Variants in MAD1L1 observed in about 807,000 individuals in gnomAD.
The protein encoded by MAD1L1 is mitotic arrest deficient 1 like 1.
In MAD1L1, 95 loss-of-function variants were observed where a neutral mutation model predicts 96.9. The ratio of observed to expected loss-of-function variants is 0.98; its 90% confidence interval spans 0.83 to 1.16. The LOEUF (loss-of-function observed/expected upper bound fraction) is 1.16, where lower values mean the gene tolerates loss of function less well. Ranked by LOEUF, MAD1L1 falls within the 50% of genes most tolerant of loss-of-function variation. The pLI, the probability that MAD1L1 is intolerant of heterozygous loss-of-function variation, is 0.00. For missense variants in MAD1L1, 1,007 were observed against 954.4 expected (o/e 1.06, Z -0.73); for synonymous variants, 473 against 396.6 (o/e 1.19, Z -2.29).
At chr7:2,096,632 C>T (rs375596416) in intron 11 of MAD1L1, among the ~76,000 whole-genome samples, 9 of 152,174 alleles carry the variant, frequency 5.9e-5, no homozygotes, top group Admixed American at 3.9e-4. Context: ...TACAGCGAGA[C>T]CCTACAGCTC....
At chr7:1,902,489 C>T (rs1583712868) in intron 17 of MAD1L1, among the ~76,000 whole-genome samples, 1 of 152,206 alleles carries the variant, frequency 6.6e-6, no homozygotes, top group Non-Finnish European at 1.5e-5. Context: ...TTCTCTACAT[C>T]CTCTTTACTC....
At chr7:2,128,410 G>A (rs1233672241) in intron 11 of MAD1L1, among the ~76,000 whole-genome samples, 1 of 152,100 alleles carries the variant, frequency 6.6e-6, no homozygotes, top group Non-Finnish European at 1.5e-5. Flanking sequence ...AGGCAGTTCA[G>A]AGTTCATGAA....
Position 2,036,410 on chromosome 7 carries a change from C to A in MAD1L1, c.1219-21768G>T, listed in dbSNP as rs564273103. Among the ~76,000 whole-genome samples the A allele has an allele frequency of 3.3e-5, 5 of 152,344 alleles. No individual in the cohort carries two copies. The South Asian group carries it at 1.0e-3, about 32-fold the overall frequency. On this transcript the variant is annotated intron_variant, in intron 12 of 18. Coordinates refer to ENST00000265854, the MANE Select transcript of MAD1L1 (RefSeq NM_001013836.2). ...GGACGATGCATTCCTGCGCCACCTC[C>A]GTGCGGGGAACCAGAGCTCCAGCCT...
chr7:1,934,595 C>A (rs563139470), intron 17 of MAD1L1, among the ~76,000 whole-genome samples: 1 of 151,944 alleles, frequency 6.6e-6, no homozygotes, highest in East Asian at 1.9e-4. Context: ...CCGAGACAGG[C>A]AGAGACCCAG....
intron 11 of MAD1L1, among the ~76,000 whole-genome samples, chr7:2,094,485 T>C (rs1357937379): frequency 6.6e-6 from 1 of 151,934 alleles, no homozygotes; most frequent in East Asian, 1.9e-4. Context: ...CGGGAAAAAG[T>C]GACAGCAAGA....
intron 10 of MAD1L1, among the ~76,000 whole-genome samples, chr7:2,169,865 G>A (rs1408340381): frequency 7.9e-6 from 1 of 127,218 alleles, no homozygotes; most frequent in Non-Finnish European, 1.7e-5. Flanking sequence ...AGCAGGGGCT[G>A]GACCACAGTC....
At chr7:2,011,659 T>A (rs370400760) in intron 13 of MAD1L1, among the ~76,000 whole-genome samples, 33 of 152,280 alleles carry the variant, frequency 2.2e-4, no homozygotes, top group African/African-American at 7.7e-4. Context: ...CCCCCTCTGA[T>A]GAGGCAAGGC....
intron 11 of MAD1L1, among the ~76,000 whole-genome samples, chr7:2,086,102 T>C (rs1156553876): frequency 6.6e-6 from 1 of 151,996 alleles, no homozygotes; most frequent in Admixed American, 6.6e-5. Flanking sequence ...ACCCGTCACC[T>C]CCCTCCCTCC....
chr7:2,215,265 C>T (rs1197779757), intron 9 of MAD1L1, among the ~76,000 whole-genome samples: 3 of 151,438 alleles, frequency 2.0e-5, no homozygotes, highest in Admixed American at 6.6e-5. Context: ...GTAGTCCCAG[C>T]TACTCAGGAG....
At chr7:1,960,507 C>T (rs369647488) in intron 15 of MAD1L1, among the ~76,000 whole-genome samples, 6 of 152,248 alleles carry the variant, frequency 3.9e-5, no homozygotes, top group South Asian at 4.1e-4. Context: ...AAGCCAGAGA[C>T]GCTACTAATA....
intron 3 of MAD1L1, among the ~76,000 whole-genome samples, chr7:2,225,798 G>A (rs1034665868): frequency 2.6e-5 from 4 of 152,230 alleles, no homozygotes; most frequent in Non-Finnish European, 4.4e-5. Context: ...TGAAGGCAAC[G>A]GCCTCGAATG....
In MAD1L1 at chr7:1,975,826, G is replaced by A. The variant is rs376219306; in HGVS notation, c.1505+4627C>T. 4.6e-5 allele frequency among the ~76,000 whole-genome samples: 7 copies of A among 152,260 alleles called. No individual in the cohort carries two copies. The East Asian group carries it at 1.2e-3, about 25-fold the overall frequency. The stretch of plus-strand genomic sequence containing the variant: ...GGCCCCCAGCACCTCCCGGGACCCA[G>A]AAGACATCACACGGCCGGGAAGCGA... On this transcript the variant is annotated intron_variant, in intron 15 of 18. Coordinates refer to ENST00000265854, the MANE Select transcript of MAD1L1 (RefSeq NM_001013836.2).
intron 12 of MAD1L1, among the ~76,000 whole-genome samples, chr7:2,018,809 C>T (rs927660449): frequency 3.9e-5 from 6 of 152,230 alleles, no homozygotes; most frequent in South Asian, 4.1e-4. Flanking sequence ...TGCTGTGGAG[C>T]CTGCCTCCCT....
intron 13 of MAD1L1, among the ~76,000 whole-genome samples, chr7:2,003,444 G>C (rs890206075): frequency 6.6e-5 from 10 of 152,102 alleles, no homozygotes; most frequent in Admixed American, 6.5e-4. Flanking sequence ...CCGCTCTGCA[G>C]ACCATGGGCC....
rs1786453141 is a variant in MAD1L1, at chr7:2,095,726, G to T, written c.1074-26388C>A. Among the ~76,000 whole-genome samples the T allele has an allele frequency of 1.3e-5, 2 of 152,374 alleles. 1 individual carries two copies. Among genetic ancestry groups the T allele is most frequent in the South Asian group, 4.1e-4 (2 of 4,828 alleles). ...GGCACAGGGACACACAGGCGCACAA[G>T]GCTCAGCCGGCGGGGCCAACGCAGG... is the stretch of plus-strand genomic sequence containing the variant. On this transcript the variant is annotated intron_variant, in intron 11 of 18. Transcript: ENST00000265854.
intron 5 of MAD1L1, among the ~76,000 whole-genome samples, chr7:2,221,575 G>A (rs1409601381): frequency 1.4e-5 from 2 of 147,686 alleles, no homozygotes; most frequent in African/African-American, 5.0e-5. Flanking sequence ...GATCGCCACA[G>A]ACAAAGGACA....
chr7:1,978,658 C>A (rs753474739), intron 15 of MAD1L1, among the ~76,000 whole-genome samples: 6 of 152,132 alleles, frequency 3.9e-5, no homozygotes, highest in Admixed American at 6.5e-5. Context: ...AACCCGAAGA[C>A]CACACGCAGA....
At chr7:1,843,736 G>A (rs1008711624) in intron 18 of MAD1L1, among the ~76,000 whole-genome samples, 4 of 152,198 alleles carry the variant, frequency 2.6e-5, no homozygotes, top group African/African-American at 9.7e-5. Context: ...CCGTCTTCCT[G>A]GAGCACCCAG....
chr7:2,160,456 C>T (rs558293156), intron 10 of MAD1L1, among the ~76,000 whole-genome samples: 5 of 150,926 alleles, frequency 3.3e-5, no homozygotes, highest in Admixed American at 3.3e-4. Flanking sequence ...CCTCAGACTC[C>T]CGAGGGGCTG....
Sources: gnomAD v4.1 joint callset for allele counts (sites outside exome capture counted in the v4.1 genomes callset) on GRCh38, gnomAD v4.1.1 for gene constraint, MANE v1.5 for transcripts, NCBI Gene and HGNC (gene_info 2026-07-23, HGNC 2026-07-21) for gene names.